GAB3: variants seen among roughly 807,000 people sequenced by gnomAD.
The protein encoded by GAB3 is GRB2-associated-binding protein 3.
Under a neutral mutation model 40.4 loss-of-function variants are expected in GAB3, and 12 were observed. The observed-to-expected ratio is 0.30, with a 90% CI of 0.19 to 0.48. GAB3 has a LOEUF of 0.48. Ranked by LOEUF, GAB3 falls within the 20% of genes least tolerant of loss-of-function variation. The pLI is 0.99. For synonymous variants in GAB3, 154 were observed against 176.7 expected (o/e 0.87, Z 1.02); for missense variants, 381 against 461.9 (o/e 0.82, Z 1.61).
intron 8 of GAB3, among the ~76,000 whole-genome samples, chrX:154,684,957 C>G (rs904822839): frequency 1.3e-4 from 14 of 111,212 alleles, no homozygotes; most frequent in Non-Finnish European, 2.1e-4. Context: ...TTCCATGTCC[C>G]AAATTTCTTT....
intron 1 of GAB3, among the ~76,000 whole-genome samples, chrX:154,717,761 A>G (rs188895529): frequency 9.0e-6 from 1 of 111,701 alleles, no homozygotes. Context: ...AGCCCTAGGG[A>G]GTCCCCTGGA....
At chrX:154,700,772 T>A (rs2070729587) in intron 4 of GAB3, among the ~76,000 whole-genome samples, 2 of 110,971 alleles carry the variant, frequency 1.8e-5, no homozygotes, top group Non-Finnish European at 3.8e-5. Context: ...TGTTGAGTGG[T>A]GCAGAGAAGT....
In GAB3 at chrX:154,699,334, T is replaced by C. The variant is rs782678363; in HGVS notation, c.1305A>G (p.Glu435=). 9.9e-6 allele frequency: 12 copies of C among 1,208,095 alleles called. No homozygotes were observed. Among genetic ancestry groups the C allele is most frequent in the Non-Finnish European group, 1.2e-5 (11 of 894,397 alleles). The change falls in exon 6 of 10, where the codon GAA becomes GAG. Residue 435 remains glutamate (E), a synonymous_variant. Transcript: ENST00000424127. ...TGAGATCTCTATTCACTGGGGGAGG[T>C]TCCAGGTTTGCAGGCAGCTCAGGCA... ...SPLPELPANL[E]PPPVNRDLKP... is the part of the protein sequence containing the mutation.
chrX:154,696,110 A>T (rs893613331), intron 7 of GAB3, 91 bp from the exon 8 acceptor site: 38 of 459,725 alleles, frequency 8.3e-5, no homozygotes, highest in Non-Finnish European at 1.4e-4. Context: ...ATGGGGTTTC[A>T]GCCCTCCTCT....
At chrX:154,704,796 T>C (rs1419598547) in intron 4 of GAB3, among the ~76,000 whole-genome samples, 1 of 111,729 alleles carries the variant, frequency 9.0e-6, no homozygotes, top group East Asian at 2.8e-4. Context: ...TATTAGAGAT[T>C]GTTTTGAACA....
At chrX:154,702,634 A>AATCAACAGAGT (rs1345190055) in intron 4 of GAB3, among the ~76,000 whole-genome samples, 1 of 112,331 alleles carries the variant, frequency 8.9e-6, no homozygotes, top group Non-Finnish European at 1.9e-5. Flanking sequence ...GACAACCCAC[A>AATCAACAGAGT]GAATGGGAGA....
At chrX:154,741,486 G>A (rs936292499) in intron 1 of GAB3, among the ~76,000 whole-genome samples, 16 of 109,725 alleles carry the variant, frequency 1.5e-4, no homozygotes, top group Non-Finnish European at 2.7e-4. Flanking sequence ...GACCAGCCTA[G>A]CCAACATGGT....
intron 4 of GAB3, among the ~76,000 whole-genome samples, chrX:154,704,879 G>A (rs1361473474): frequency 1.8e-5 from 2 of 111,550 alleles, no homozygotes; most frequent in African/African-American, 6.5e-5. Context: ...TACCAAGATT[G>A]AATCAGAAAG....
In GAB3 at chrX:154,712,554, C is replaced by T. The variant is rs1187239411; in HGVS notation, c.744G>A (p.Val248=). ...PSCHGSGAQE[V]PSSRPQAALI... ...GGGCAGCCTGAGGCCTCGAGGATGG[C>T]ACCTCCTGAGCTCCACTGCCATGGC... The change falls in exon 4 of 10, where the codon GTG becomes GTA. Residue 248 remains valine, a synonymous_variant. Coordinates refer to ENST00000424127, the MANE Select transcript of GAB3 (RefSeq NM_001081573.3). 2 of 1,180,469 alleles carry T rather than the reference C, an allele frequency of 1.7e-6. No homozygotes were observed. The highest frequency in any genetic ancestry group is 1.8e-5 in the African/African-American group (1 of 56,307).
chrX:154,704,264 G>T (rs915776603), intron 4 of GAB3, among the ~76,000 whole-genome samples: 1 of 109,888 alleles, frequency 9.1e-6, no homozygotes, highest in Admixed American at 9.7e-5. Flanking sequence ...TAGCCAGGGT[G>T]GGGGGCTGTG....
intron 1 of GAB3, among the ~76,000 whole-genome samples, chrX:154,743,042 A>G (rs2071469030): frequency 9.3e-6 from 1 of 107,239 alleles, no homozygotes; most frequent in Non-Finnish European, 1.9e-5. Context: ...ATACCTCAAT[A>G]AAGCTGTCTT....
chrX:154,720,582 G>C (rs1233570895), intron 1 of GAB3, among the ~76,000 whole-genome samples: 1 of 97,077 alleles, frequency 1.0e-5, no homozygotes, highest in African/African-American at 3.9e-5. Flanking sequence ...AGCCGAGATC[G>C]CGCCACTGCA....
chrX:154,685,318 C>T (rs1287853895), intron 8 of GAB3, among the ~76,000 whole-genome samples: 1 of 110,974 alleles, frequency 9.0e-6, no homozygotes, highest in African/African-American at 3.3e-5. Context: ...GTTGCTGTTT[C>T]TCAATATTTT....
At chrX:154,730,897 C>T (rs1378878145) in intron 1 of GAB3, among the ~76,000 whole-genome samples, 4 of 112,204 alleles carry the variant, frequency 3.6e-5, no homozygotes, top group African/African-American at 1.3e-4. Flanking sequence ...CTGAAGATGG[C>T]CTGGCCCACA....
chrX:154,714,216 C>T (rs1339220945), intron 2 of GAB3, among the ~76,000 whole-genome samples: 1 of 111,307 alleles, frequency 9.0e-6, no homozygotes, highest in Non-Finnish European at 1.9e-5. Context: ...CCTTTTGAAC[C>T]AAGTTAATAG....
rs2070289415 is a variant in GAB3 at position 154,675,887 on chromosome X, G to T, written c.*2291C>A. 1 of 111,942 alleles carries T rather than the reference G, an allele frequency of 8.9e-6. No homozygotes were observed. Among genetic ancestry groups the T allele is most frequent in the Admixed American group, 9.4e-5 (1 of 10,622 alleles). 9.2% of individuals were successfully genotyped at this position (111,942 alleles called of 1,213,427 possible). A position where few individuals can be genotyped will look rare whatever the true frequency, so the allele number is the denominator to read the frequency against. On this transcript the variant is annotated 3_prime_UTR_variant, in exon 10 of 10. Coordinates refer to ENST00000424127, the MANE Select transcript of GAB3 (RefSeq NM_001081573.3). ...AAAACTACCTGTACTTTGTTTCCTT[G>T]AATCGTTATGCTTTTGCATAGCCAT...
At chrX:154,748,410 C>G (rs12390914) in intron 1 of GAB3, among the ~76,000 whole-genome samples, 1,470 of 111,479 alleles carry the variant, frequency 0.013, 25 homozygotes, top group African/African-American at 0.046. Flanking sequence ...GGGAAGGTAG[C>G]GGGGTAGGGG....
intron 9 of GAB3, chrX:154,678,951 G>A (rs782519565): frequency 4.1e-6 from 1 of 241,458 alleles, no homozygotes; most frequent in Admixed American, 5.5e-5. Context: ...AGAGGCCAAG[G>A]CAGGAGGATC....
At chrX:154,696,569 C>T (rs1420066587) in intron 7 of GAB3, among the ~76,000 whole-genome samples, 3 of 111,513 alleles carry the variant, frequency 2.7e-5, no homozygotes, top group Admixed American at 9.5e-5. Flanking sequence ...ACTAAAAATG[C>T]AACTTCTAAA....
Sources: allele counts gnomAD v4.1 joint callset (sites outside exome capture counted in the v4.1 genomes callset), GRCh38; gene constraint gnomAD v4.1.1; transcripts MANE v1.5; gene names NCBI Gene and HGNC (gene_info 2026-07-23, HGNC 2026-07-21).